Variants in NPAS3 observed in about 807,000 individuals in gnomAD.
NPAS3 encodes the protein neuronal PAS domain-containing protein 3.
A neutral mutation model predicts 73.1 loss-of-function variants in NPAS3; 14 were observed. That is an observed-to-expected ratio of 0.19 (90% CI 0.13 to 0.30). The LOEUF (loss-of-function observed/expected upper bound fraction) is 0.30, where lower values mean the gene tolerates loss of function less well. Among genes scored for constraint, NPAS3 ranks in the 10% least tolerant of loss-of-function variants. NPAS3 has a pLI of 1.00. For missense variants in NPAS3, 1,096 were observed against 1,250.0 expected (o/e 0.88, Z 1.86); for synonymous variants, 620 against 541.5 (o/e 1.14, Z -2.01).
At chr14:33,000,853 G>A (rs1256738155) in intron 1 of NPAS3, among the ~76,000 whole-genome samples, 1 of 152,172 alleles carries the variant, frequency 6.6e-6, no homozygotes, top group South Asian at 2.1e-4. Context: ...ATTAAGGCCA[G>A]GAAGGACAAG....
chr14:33,418,524 C>CAT (rs533605679), intron 4 of NPAS3, among the ~76,000 whole-genome samples: 171 of 152,064 alleles, frequency 1.1e-3, no homozygotes, highest in African/African-American at 3.8e-3. Flanking sequence ...TTTTTACAAA[C>CAT]ATTTTCTTGG....
chr14:33,790,016 A>G (rs1011469136), intron 9 of NPAS3, among the ~76,000 whole-genome samples: 2 of 152,248 alleles, frequency 1.3e-5, no homozygotes, highest in African/African-American at 4.8e-5. Flanking sequence ...AATAAACCAA[A>G]GAAAAGATGC....
chr14:33,732,045 A>G (rs1421524355), intron 6 of NPAS3, among the ~76,000 whole-genome samples: 2 of 152,228 alleles, frequency 1.3e-5, no homozygotes, highest in Admixed American at 6.5e-5. Context: ...AGAGCATGCA[A>G]CAATTATGAG....
At chr14:33,028,933 G>C (rs1227072972) in intron 1 of NPAS3, among the ~76,000 whole-genome samples, 4 of 152,148 alleles carry the variant, frequency 2.6e-5, no homozygotes, top group Admixed American at 6.5e-5. Flanking sequence ...CATCATCTAA[G>C]TGTTAAGCCC....
intron 1 of NPAS3, among the ~76,000 whole-genome samples, chr14:32,983,190 T>TA (rs1325004956): frequency 2.0e-5 from 3 of 152,164 alleles, no homozygotes; most frequent in African/African-American, 4.8e-5. Context: ...AAGACTATTT[T>TA]AAAAAAATCT....
chr14:33,084,210 A>G (rs997041635), intron 2 of NPAS3, among the ~76,000 whole-genome samples: 2 of 152,220 alleles, frequency 1.3e-5, no homozygotes, highest in African/African-American at 2.4e-5. Context: ...GCACCACTAT[A>G]AGTTTGAATT....
At chr14:33,133,874 T>G (rs1312791196) in intron 2 of NPAS3, among the ~76,000 whole-genome samples, 4 of 152,144 alleles carry the variant, frequency 2.6e-5, no homozygotes, top group Non-Finnish European at 2.9e-5. Context: ...CAAAGAAAAT[T>G]TCTTGGATTG....
chr14:33,600,350 TTAAA>T (rs1245591977), intron 5 of NPAS3, among the ~76,000 whole-genome samples: 1 of 152,216 alleles, frequency 6.6e-6, no homozygotes, highest in Non-Finnish European at 1.5e-5. Context: ...TAGAATCTGA[TTAAA>T]TATTCTCTTT....
intron 2 of NPAS3, among the ~76,000 whole-genome samples, chr14:33,196,381 G>A (rs931661615): frequency 6.6e-6 from 1 of 152,156 alleles, no homozygotes. Context: ...GCTCCCTCGT[G>A]ACAAGGATGT....
intron 3 of NPAS3, among the ~76,000 whole-genome samples, chr14:33,295,886 C>A (rs2042277794): frequency 3.3e-5 from 5 of 152,166 alleles, no homozygotes; most frequent in Admixed American, 2.0e-4. Context: ...ATTAGAAGAC[C>A]TGTCTCTTTC....
chr14:32,975,072 T>G (rs901709899), intron 1 of NPAS3, among the ~76,000 whole-genome samples: 8 of 152,172 alleles, frequency 5.3e-5, no homozygotes, highest in African/African-American at 1.9e-4. Context: ...CAGAGTACCA[T>G]ACTAGTGAAA....
At chr14:33,153,123 TTC>T (rs1463450499) in intron 2 of NPAS3, among the ~76,000 whole-genome samples, 2 of 152,146 alleles carry the variant, frequency 1.3e-5, no homozygotes, top group Non-Finnish European at 2.9e-5. Context: ...CAGATGCAGT[TTC>T]TGTTCTCCCT....
intron 1 of NPAS3, among the ~76,000 whole-genome samples, chr14:33,054,021 C>A (rs899697085): frequency 2.6e-5 from 4 of 152,022 alleles, no homozygotes; most frequent in Non-Finnish European, 5.9e-5. Flanking sequence ...TAGGTCAAAC[C>A]AATTCTTTTA....
chr14:33,336,307 G>T (rs2044223638), intron 3 of NPAS3, among the ~76,000 whole-genome samples: 1 of 152,272 alleles, frequency 6.6e-6, no homozygotes. Context: ...AATTAAACTT[G>T]CATGGGACTG....
chr14:33,528,181 G>A (rs2053885897), intron 4 of NPAS3, among the ~76,000 whole-genome samples: 1 of 151,992 alleles, frequency 6.6e-6, no homozygotes. Context: ...GGAAGGAGGG[G>A]TGAAGAAGGA....
intron 5 of NPAS3, among the ~76,000 whole-genome samples, chr14:33,660,149 A>C (rs778792041): frequency 1.3e-5 from 2 of 152,170 alleles, no homozygotes; most frequent in Non-Finnish European, 2.9e-5. Flanking sequence ...GGGTGCTAAT[A>C]AAAATGGACA....
At chr14:33,304,537 A>G (rs772796421) in intron 3 of NPAS3, among the ~76,000 whole-genome samples, 32 of 151,450 alleles carry the variant, frequency 2.1e-4, no homozygotes, top group Non-Finnish European at 4.1e-4. Flanking sequence ...TTTCCCCATT[A>G]TTTTCTAAAC....
At chr14:33,297,114 C>T (rs1477259282) in intron 3 of NPAS3, among the ~76,000 whole-genome samples, 3 of 152,028 alleles carry the variant, frequency 2.0e-5, no homozygotes, top group Non-Finnish European at 2.9e-5. Context: ...TAGAATGGAG[C>T]GATACTGCCT....
chr14:33,667,652 G>GTAGT (rs759373856), intron 5 of NPAS3, among the ~76,000 whole-genome samples: 2 of 152,106 alleles, frequency 1.3e-5, no homozygotes, highest in Non-Finnish European at 2.9e-5. Context: ...ACCACAGTTA[G>GTAGT]TAGTTACAAT....
Sources: allele counts gnomAD v4.1 joint callset (sites outside exome capture counted in the v4.1 genomes callset), GRCh38; gene constraint gnomAD v4.1.1; transcripts MANE v1.5; gene names NCBI Gene and HGNC (gene_info 2026-07-23, HGNC 2026-07-21).